The following ITGA9 variants were observed in gnomAD, a reference collection of about 807,000 sequenced individuals.
The protein encoded by ITGA9 is integrin subunit alpha 9.
Under a neutral mutation model 127.8 loss-of-function variants are expected in ITGA9, and 56 were observed. The observed-to-expected ratio is 0.44, with a 90% CI of 0.35 to 0.55. The LOEUF (loss-of-function observed/expected upper bound fraction) is 0.55. Among genes scored for constraint, ITGA9 ranks in the 20% least tolerant of loss-of-function variants. The pLI is 0.00. For missense variants in ITGA9, 1,196 were observed against 1,347.1 expected (o/e 0.89, Z 1.76); for synonymous variants, 508 against 514.5 (o/e 0.99, Z 0.17).
At chr3:37,796,487 A>G (rs1441489331) in intron 26 of ITGA9, among the ~76,000 whole-genome samples, 1 of 151,926 alleles carries the variant, frequency 6.6e-6, no homozygotes, top group Non-Finnish European at 1.5e-5. Flanking sequence ...GGATGGATGG[A>G]TGGATGGATG....
At chr3:37,818,097 A>G (rs1697458553) in intron 27 of ITGA9, among the ~76,000 whole-genome samples, 1 of 151,502 alleles carries the variant, frequency 6.6e-6, no homozygotes, top group Non-Finnish European at 1.5e-5. Context: ...ATCAAAAGCC[A>G]AATAAGCTTG....
intron 1 of ITGA9, among the ~76,000 whole-genome samples, chr3:37,460,587 C>CTTTT (rs10711884): frequency 5.4e-5 from 6 of 110,860 alleles, no homozygotes; most frequent in Non-Finnish European, 9.3e-5. Context: ...GTGCCCAAAT[C>CTTTT]TTTTTTTTTT....
intron 15 of ITGA9, among the ~76,000 whole-genome samples, chr3:37,609,278 C>T (rs1415428490): frequency 4.6e-5 from 7 of 152,084 alleles, no homozygotes; most frequent in African/African-American, 1.7e-4. Context: ...GAATTTTTAC[C>T]TCACTTTGTG....
At chr3:37,750,053 C>T (rs1176846557) in intron 22 of ITGA9, among the ~76,000 whole-genome samples, 1 of 150,836 alleles carries the variant, frequency 6.6e-6, no homozygotes, top group Non-Finnish European at 1.5e-5. Context: ...CATACCCCCC[C>T]ACCAAAATGT....
intron 15 of ITGA9, among the ~76,000 whole-genome samples, chr3:37,584,447 G>GGAGTACCAGGTGGTGGGTA (rs945774379): frequency 6.6e-6 from 1 of 152,116 alleles, no homozygotes; most frequent in African/African-American, 2.4e-5. Context: ...ACAAAGGGTA[G>GGAGTACCAGGTGGTGGGTA]GAGTACCAGG....
At chr3:37,577,954 G>A (rs1209382356) in intron 15 of ITGA9, among the ~76,000 whole-genome samples, 1 of 152,132 alleles carries the variant, frequency 6.6e-6, no homozygotes. Context: ...AAAAATCTGG[G>A]ATTCTTTTTC....
chr3:37,810,141 T>C (rs1349068695), intron 27 of ITGA9, among the ~76,000 whole-genome samples: 7 of 152,246 alleles, frequency 4.6e-5, no homozygotes, highest in African/African-American at 1.7e-4. Flanking sequence ...TTGGCATTGC[T>C]ACCTATGGTC....
intron 18 of ITGA9, among the ~76,000 whole-genome samples, chr3:37,713,811 AC>A (rs552139120): frequency 6.1e-4 from 93 of 152,372 alleles, no homozygotes; most frequent in African/African-American, 1.9e-3. Flanking sequence ...GCTTACAGCC[AC>A]ACGGCTGTTT....
At chr3:37,494,098 C>A (rs1257536626) in intron 4 of ITGA9, among the ~76,000 whole-genome samples, 1 of 152,152 alleles carries the variant, frequency 6.6e-6, no homozygotes, top group Non-Finnish European at 1.5e-5. Context: ...TGGTCTTCTT[C>A]CAGGAGACTC....
chr3:37,627,940 C>T (rs950040770), intron 15 of ITGA9, among the ~76,000 whole-genome samples: 2 of 152,074 alleles, frequency 1.3e-5, no homozygotes, highest in Non-Finnish European at 2.9e-5. Flanking sequence ...ACATCTGCCT[C>T]TGGGGAAGGG....
Position 37,519,251 on chromosome 3 carries a change from T to C in ITGA9, c.1142-9T>C, listed in dbSNP as rs375917886. Reference sequence around the variant, plus strand: ...GCTTTTTAACCCATAGCTGTTTTTTTACCCTCAGATGTGGCCATTGGTGCA... The same window carrying C: ...GCTTTTTAACCCATAGCTGTTTTTTCACCCTCAGATGTGGCCATTGGTGCA... On this transcript the variant is annotated splice_polypyrimidine_tract_variant and intron_variant, in intron 10 of 27. Transcript: ENST00000264741. 2 of 1,612,358 alleles carry C rather than the reference T, an allele frequency of 1.2e-6. No homozygotes were observed. The highest frequency in any genetic ancestry group is 1.7e-6 in the Non-Finnish European group (2 of 1,178,462).
At chr3:37,544,012 C>G (rs1699301966) in intron 15 of ITGA9, among the ~76,000 whole-genome samples, 1 of 152,250 alleles carries the variant, frequency 6.6e-6, no homozygotes, top group Non-Finnish European at 1.5e-5. Flanking sequence ...GCAGTACAGG[C>G]TCGTATGCAA....
chr3:37,551,914 G>A (rs912539975), intron 15 of ITGA9, among the ~76,000 whole-genome samples: 5 of 152,272 alleles, frequency 3.3e-5, no homozygotes, highest in African/African-American at 1.2e-4. Flanking sequence ...TGTGGACACA[G>A]CCACACTATG....
Position 37,496,624 on chromosome 3 carries a change from C to T in ITGA9, c.612+2056C>T, listed in dbSNP as rs550777356. ...AGCAGCCAGAACCACCTTTTACAAA[C>T]AGGAAAAATATCATGGTGCTCCCTT... On this transcript the variant is annotated intron_variant, in intron 5 of 27. Coordinates refer to ENST00000264741, the MANE Select transcript of ITGA9 (RefSeq NM_002207.3). Among the ~76,000 whole-genome samples the T allele has an allele frequency of 2.6e-5, 4 of 152,320 alleles. No individual in the cohort carries two copies. In the South Asian group the frequency reaches 8.3e-4, roughly 32 times the overall value.
chr3:37,748,313 C>T, intron 22 of ITGA9: 1 of 553,950 alleles, frequency 1.8e-6, no homozygotes, highest in Non-Finnish European at 3.5e-6. Context: ...TACGGTGTTA[C>T]CCAGCATGCT....
At chr3:37,541,239 G>A (rs1651454886) in intron 14 of ITGA9, among the ~76,000 whole-genome samples, 1 of 152,198 alleles carries the variant, frequency 6.6e-6, no homozygotes, top group Admixed American at 6.5e-5. Flanking sequence ...GTGGAGACAG[G>A]GCAGGGCTGG....
chr3:37,732,597 C>T, intron 18 of ITGA9, 115 bp from the exon 19 acceptor site: 1 of 787,286 alleles, frequency 1.3e-6, no homozygotes. Flanking sequence ...CATCTCGTCC[C>T]ACTGGTGCCT....
intron 17 of ITGA9, among the ~76,000 whole-genome samples, chr3:37,683,072 T>A (rs1368737417): frequency 1.3e-5 from 2 of 152,248 alleles, no homozygotes; most frequent in African/African-American, 4.8e-5. Context: ...CCAAGGTCCC[T>A]GTGCTGGCCC....
intron 23 of ITGA9, among the ~76,000 whole-genome samples, chr3:37,758,515 C>A (rs1191961189): frequency 6.6e-6 from 1 of 150,780 alleles, no homozygotes; most frequent in Non-Finnish European, 1.5e-5. Context: ...AAATGATAAT[C>A]TTGATAAGGG....
Sources: allele counts gnomAD v4.1 joint callset (sites outside exome capture counted in the v4.1 genomes callset), GRCh38; gene constraint gnomAD v4.1.1; transcripts MANE v1.5; gene names NCBI Gene and HGNC (gene_info 2026-07-23, HGNC 2026-07-21).